The following DOCK5 variants were observed in gnomAD, a reference collection of about 807,000 sequenced individuals.
DOCK5 encodes dedicator of cytokinesis 5.
A neutral mutation model predicts 251.8 loss-of-function variants in DOCK5; 142 were observed. That is an observed-to-expected ratio of 0.56 (90% CI 0.49 to 0.65). The LOEUF is 0.65. DOCK5 is among the 30% of genes least tolerant of loss of function. The pLI, the probability that DOCK5 is intolerant of heterozygous loss-of-function variation, is 0.00. For missense variants in DOCK5, 2,111 were observed against 2,312.3 expected (o/e 0.91, Z 1.79); for synonymous variants, 842 against 835.5 (o/e 1.01, Z -0.13).
At position 25,393,962 on chromosome 8, in the gene DOCK5, C is replaced by T. The variant is rs114499033; in HGVS notation, c.4527+1080C>T. On this transcript the variant is annotated intron_variant, in intron 44 of 51. Transcript: ENST00000276440. The stretch of plus-strand genomic sequence containing the variant: ...TAAGTCATGGCTAGGTACAGTGGCT[C>T]ATGCCTGTAATCCCTGAACTTTGAG... 4.1e-3 allele frequency among the ~76,000 whole-genome samples: 629 copies of T among 152,306 alleles called. 4 individuals are homozygous for T. Among genetic ancestry groups the T allele is most frequent in the African/African-American group, 0.015 (616 of 41,564 alleles).
intron 17 of DOCK5, 113 bp from the exon 18 acceptor site, chr8:25,325,251 A>T: frequency 8.9e-7 from 1 of 1,119,452 alleles, no homozygotes; most frequent in Non-Finnish European, 1.3e-6. Flanking sequence ...GATCTTCAGG[A>T]TAAATTGATA....
chr8:25,215,660 C>A (rs1327299893), intron 1 of DOCK5, among the ~76,000 whole-genome samples: 3 of 152,016 alleles, frequency 2.0e-5, no homozygotes, highest in Admixed American at 2.0e-4. Context: ...CTATTTCCAG[C>A]AACATTTCTG....
intron 5 of DOCK5, among the ~76,000 whole-genome samples, chr8:25,289,444 G>A (rs772816023): frequency 6.6e-5 from 10 of 151,740 alleles, no homozygotes; most frequent in South Asian, 2.1e-4. Flanking sequence ...GAGCCACCAC[G>A]CCCAGCCAGT....
intron 7 of DOCK5, 54 bp from the exon 8 acceptor site, chr8:25,298,890 A>C (rs1356294749): frequency 1.3e-6 from 2 of 1,543,678 alleles, no homozygotes; most frequent in African/African-American, 2.8e-5. Flanking sequence ...ATTTTTGCCA[A>C]CATTTCCCAT....
At chr8:25,316,559 A>G (rs1229812451) in intron 13 of DOCK5, among the ~76,000 whole-genome samples, 5 of 152,310 alleles carry the variant, frequency 3.3e-5, no homozygotes, top group South Asian at 2.1e-4. Context: ...TTAACAAGTT[A>G]GTCTATAATC....
intron 46 of DOCK5, among the ~76,000 whole-genome samples, chr8:25,400,210 C>T (rs924974936): frequency 6.6e-6 from 1 of 152,054 alleles, no homozygotes; most frequent in Non-Finnish European, 1.5e-5. Flanking sequence ...CAAAGTTCAT[C>T]GGCTGGGGCC....
At chr8:25,380,421 C>A (rs908480058) in intron 39 of DOCK5, 27 bp downstream of exon 39, 18 of 1,560,294 alleles carry the variant, frequency 1.2e-5, no homozygotes, top group Non-Finnish European at 1.6e-5. Flanking sequence ...ATATGTTAGG[C>A]CTCTGACAGG....
intron 1 of DOCK5, among the ~76,000 whole-genome samples, chr8:25,221,341 G>A (rs1267603281): frequency 1.3e-5 from 2 of 151,990 alleles, no homozygotes; most frequent in Non-Finnish European, 2.9e-5. Flanking sequence ...ATGGAGTCTC[G>A]CTCTGTCGCC....
At chr8:25,256,628 A>G in intron 2 of DOCK5, among the ~76,000 whole-genome samples, 1 of 142,620 alleles carries the variant, frequency 7.0e-6, no homozygotes. Context: ...GACAGAGCGA[A>G]TCTCCATCTC....
intron 1 of DOCK5, among the ~76,000 whole-genome samples, chr8:25,190,185 C>T (rs1801541845): frequency 6.6e-6 from 1 of 152,150 alleles, no homozygotes. Flanking sequence ...CCGCTCCTGG[C>T]CCAGAATGTT....
At chr8:25,395,840 C>T in intron 45 of DOCK5, 121 bp downstream of exon 45, 1 of 1,199,922 alleles carries the variant, frequency 8.3e-7, no homozygotes, top group Admixed American at 2.0e-5. Context: ...TGTTCACTTT[C>T]CCTTCTGGCA....
At chr8:25,364,753 A>G in intron 30 of DOCK5, 49 bp downstream of exon 30, 1 of 1,349,416 alleles carries the variant, frequency 7.4e-7, no homozygotes, top group Non-Finnish European at 1.0e-6. Flanking sequence ...GGCCATGGCA[A>G]GAGAACTATA....
intron 30 of DOCK5, 167 bp downstream of exon 30, chr8:25,364,871 C>A: frequency 1.9e-6 from 1 of 521,278 alleles, no homozygotes; most frequent in Non-Finnish European, 3.4e-6. Context: ...GTCCTCCAAA[C>A]ACAACAAAAT....
intron 5 of DOCK5, among the ~76,000 whole-genome samples, chr8:25,279,879 C>A (rs1156577640): frequency 2.0e-5 from 3 of 151,926 alleles, no homozygotes; most frequent in Non-Finnish European, 4.4e-5. Context: ...TGTGTCTTGG[C>A]CTCCCAAAGT....
At chr8:25,236,366 G>A (rs1802796875) in intron 1 of DOCK5, among the ~76,000 whole-genome samples, 1 of 152,044 alleles carries the variant, frequency 6.6e-6, no homozygotes, top group Non-Finnish European at 1.5e-5. Flanking sequence ...TGACTTCTTG[G>A]TGTTATACCT....
At chr8:25,250,193 G>A (rs188738231) in intron 2 of DOCK5, among the ~76,000 whole-genome samples, 4 of 152,264 alleles carry the variant, frequency 2.6e-5, no homozygotes, top group East Asian at 3.9e-4. Flanking sequence ...CCAGATGAAC[G>A]AGCTTCTATC....
intron 13 of DOCK5, among the ~76,000 whole-genome samples, chr8:25,315,124 A>G (rs1232977127): frequency 4.4e-5 from 1 of 22,584 alleles, no homozygotes; most frequent in Non-Finnish European, 1.8e-4. Context: ...ATTTATGTTG[A>G]GGGTAAATAT....
At position 25,332,637 on chromosome 8, in the gene DOCK5, TAATGATGG is replaced by T; in HGVS notation, c.2039_2046del (p.Met680AsnfsTer5). 6.2e-7 allele frequency: 1 copy of T among 1,612,640 alleles called. No homozygotes were observed. The highest frequency in any genetic ancestry group is 8.5e-7 in the Non-Finnish European group (1 of 1,179,432). ...GATACACTAGATGCACTCTTTAACA[TAATGATGG>T]AAATGTCAGACAGTGAAACCTATGA... On this transcript the variant is annotated frameshift_variant, in exon 20 of 52. Transcript: ENST00000276440. LOFTEE classifies it high-confidence loss of function.
In DOCK5 at chr8:25,190,775, GGT is replaced by G. The variant is rs1486529968; in HGVS notation, c.43+5825_43+5826del. 7.8e-3 allele frequency among the ~76,000 whole-genome samples: 420 copies of G among 53,936 alleles called. 2 individuals carry two copies. Among genetic ancestry groups the G allele is most frequent in the African/African-American group, 0.026 (382 of 14,834 alleles). 35.4% of individuals were successfully genotyped at this position (53,936 alleles called of 152,430 possible). ...AAGGCCTGGCCTTAACTTGGTCATG[GGT>G]TTTTTTTTTTTTTTTTTTTTTTTTG... On this transcript the variant is annotated intron_variant, in intron 1 of 51. Coordinates refer to ENST00000276440, the MANE Select transcript of DOCK5 (RefSeq NM_024940.8).
Sources: gnomAD v4.1 joint callset for allele counts (sites outside exome capture counted in the v4.1 genomes callset) on GRCh38, gnomAD v4.1.1 for gene constraint, MANE v1.5 for transcripts, NCBI Gene and HGNC (gene_info 2026-07-23, HGNC 2026-07-21) for gene names.